The following VPS54 variants were observed in gnomAD, a reference collection of about 807,000 sequenced individuals.
The protein encoded by VPS54 is VPS54 subunit of GARP complex.
A neutral mutation model predicts 121.5 loss-of-function variants in VPS54; 45 were observed. The observed-to-expected ratio is 0.37, with a 90% CI of 0.29 to 0.47. VPS54 has a LOEUF of 0.47. VPS54 is among the 20% of genes least tolerant of loss of function. The pLI is 0.99. For missense variants in VPS54, 1,090 were observed against 1,131.4 expected, an observed-to-expected ratio of 0.96 and a Z score of 0.52; for synonymous variants, 371 against 385.8, an observed-to-expected ratio of 0.96 and a Z score of 0.45.
chr2:64,011,947 C>T (rs1357656651), intron 1 of VPS54, among the ~76,000 whole-genome samples: 1 of 152,024 alleles, frequency 6.6e-6, no homozygotes, highest in African/African-American at 2.4e-5. Flanking sequence ...AGCTAAGAAA[C>T]ATCTGCAATA....
In VPS54 at chr2:63,912,339, C is replaced by G; in HGVS notation, c.2625+6G>C. The G allele has an allele frequency of 6.3e-7, 1 of 1,595,216 alleles. No individual in the cohort carries two copies. The highest frequency in any genetic ancestry group is 8.6e-7 in the Non-Finnish European group (1 of 1,168,014). On this transcript the variant is annotated splice_donor_region_variant and intron_variant, in intron 20 of 22. Transcript: ENST00000272322. ...ACAAAGTCTAATAATTTCTATAAAT[C>G]ATTACCTTAGATAACAGCTTGTCAA... is the stretch of plus-strand genomic sequence containing the variant.
intron 3 of VPS54, among the ~76,000 whole-genome samples, chr2:63,977,698 A>G (rs1676611627): frequency 6.6e-6 from 1 of 152,148 alleles, no homozygotes. Flanking sequence ...ACCGCATCTG[A>G]GTCTGATTCT....
At chr2:63,949,425 GTA>G (rs368257752) in intron 7 of VPS54, among the ~76,000 whole-genome samples, 2 of 152,276 alleles carry the variant, frequency 1.3e-5, no homozygotes, top group African/African-American at 4.8e-5. Flanking sequence ...AGAAATCTGT[GTA>G]TAACTTTTGA....
At chr2:63,927,317 A>G (rs1166356078) in intron 12 of VPS54, among the ~76,000 whole-genome samples, 4 of 152,192 alleles carry the variant, frequency 2.6e-5, no homozygotes, top group African/African-American at 9.6e-5. Context: ...GGGAAGGATC[A>G]GGCAGCAATA....
chr2:63,893,557 AT>A, intron 22 of VPS54, 22 bp from the exon 23 acceptor site: 1 of 1,589,416 alleles, frequency 6.3e-7, no homozygotes. Context: ...AGAGAAAATT[AT>A]TTTTTAAATC....
chr2:63,965,790 T>C (rs1191238672), intron 6 of VPS54, 45 bp downstream of exon 6: 4 of 1,600,416 alleles, frequency 2.5e-6, no homozygotes, highest in Admixed American at 3.6e-5. Flanking sequence ...CAGTACCGCT[T>C]AACTAGAATA....
intron 8 of VPS54, 50 bp downstream of exon 8, chr2:63,948,987 A>G (rs1675116168): frequency 6.3e-7 from 1 of 1,593,396 alleles, no homozygotes; most frequent in Admixed American, 1.8e-5. Flanking sequence ...GTTCTAAGCC[A>G]AGACTGTTAA....
chr2:63,892,188 G>A lies in VPS54; in HGVS notation c.*1242C>T, dbSNP rs957983103. 6.6e-6 allele frequency: 1 copy of A among 152,042 alleles called. No individual in the cohort carries two copies. The highest frequency in any genetic ancestry group is 2.4e-5 in the African/African-American group (1 of 41,386). 9.4% of individuals were successfully genotyped at this position (152,042 alleles called of 1,614,324 possible). A position where few individuals can be genotyped will look rare whatever the true frequency, so the allele number is the denominator to read the frequency against. On this transcript the variant is annotated 3_prime_UTR_variant, in exon 23 of 23. Coordinates refer to ENST00000272322, the MANE Select transcript of VPS54 (RefSeq NM_016516.3). ...GCTTTATTTTAGACAGATAGTTTAA[G>A]AACCAAAGACATACCTCTGTAATGA... is the stretch of plus-strand genomic sequence containing the variant.
chr2:63,989,212 G>A (rs562222783), intron 1 of VPS54, among the ~76,000 whole-genome samples: 19 of 152,260 alleles, frequency 1.2e-4, no homozygotes, highest in African/African-American at 3.9e-4. Context: ...CAGCGGGACC[G>A]GGAACCTCAT....
intron 4 of VPS54, among the ~76,000 whole-genome samples, chr2:63,971,807 T>A (rs1676294541): frequency 6.6e-6 from 1 of 152,212 alleles, no homozygotes; most frequent in Non-Finnish European, 1.5e-5. Context: ...CTTTAGGGTA[T>A]CACTACGTTA....
At chr2:63,981,947 G>A in intron 2 of VPS54, 60 bp from the exon 3 acceptor site, 1 of 1,519,718 alleles carries the variant, frequency 6.6e-7, no homozygotes, top group Non-Finnish European at 8.8e-7. Context: ...ATGTTTGAAA[G>A]TACACACTAG....
At chr2:63,949,007 T>A (rs1675117126) in intron 8 of VPS54, 30 bp downstream of exon 8, 1 of 1,604,178 alleles carries the variant, frequency 6.2e-7, no homozygotes, top group Admixed American at 1.7e-5. Context: ...AGCAATGGCA[T>A]CAACTTCATT....
At chr2:63,981,910 C>G in intron 2 of VPS54, 23 bp from the exon 3 acceptor site, 1 of 1,600,492 alleles carries the variant, frequency 6.2e-7, no homozygotes, top group Non-Finnish European at 8.5e-7. Context: ...AACAAGAGAA[C>G]TCTGTAAATG....
At chr2:63,896,552 A>C (rs1672453200) in intron 22 of VPS54, among the ~76,000 whole-genome samples, 1 of 152,192 alleles carries the variant, frequency 6.6e-6, no homozygotes, top group Non-Finnish European at 1.5e-5. Context: ...AAAACTCTTA[A>C]ATTCAGCCTA....
At chr2:63,938,776 T>C (rs1054656748) in intron 11 of VPS54, among the ~76,000 whole-genome samples, 1 of 152,214 alleles carries the variant, frequency 6.6e-6, no homozygotes. Context: ...AGAGTTATTA[T>C]GTAATAGGTA....
chr2:63,896,155 CAT>C (rs1458861797), intron 22 of VPS54, among the ~76,000 whole-genome samples: 2 of 152,196 alleles, frequency 1.3e-5, no homozygotes, highest in African/African-American at 2.4e-5. Context: ...AGCGTCACCA[CAT>C]GTGATGTTCT....
At chr2:64,014,723 C>T (rs965757069) in intron 1 of VPS54, among the ~76,000 whole-genome samples, 3 of 108,450 alleles carry the variant, frequency 2.8e-5, no homozygotes, top group Admixed American at 9.8e-5. Flanking sequence ...GTTGACACTG[C>T]ATCTTAATAC....
At chr2:63,895,908 T>A (rs1461556065) in intron 22 of VPS54, among the ~76,000 whole-genome samples, 1 of 152,168 alleles carries the variant, frequency 6.6e-6, no homozygotes, top group African/African-American at 2.4e-5. Context: ...GAACTACTGG[T>A]CTACAAAAAC....
chr2:63,907,843 A>T (rs988981703), intron 20 of VPS54, among the ~76,000 whole-genome samples: 1 of 152,218 alleles, frequency 6.6e-6, no homozygotes, highest in Non-Finnish European at 1.5e-5. Context: ...ATCTGTAATT[A>T]TGTAACTTAA....
Sources: allele counts gnomAD v4.1 joint callset (sites outside exome capture counted in the v4.1 genomes callset), GRCh38; gene constraint gnomAD v4.1.1; transcripts MANE v1.5; gene names NCBI Gene and HGNC (gene_info 2026-07-23, HGNC 2026-07-21).